The following STK4 variants were observed in gnomAD, a reference collection of about 807,000 sequenced individuals.
STK4 encodes serine/threonine kinase 4.
Under a neutral mutation model 64.9 loss-of-function variants are expected in STK4, and 30 were observed. That is an observed-to-expected ratio of 0.46 (90% confidence interval 0.35 to 0.63). The LOEUF (loss-of-function observed/expected upper bound fraction) is 0.63, where lower values mean the gene tolerates loss of function less well. Ranked by LOEUF, STK4 falls within the 20% of genes least tolerant of loss-of-function variation. The pLI, the probability that STK4 is intolerant of heterozygous loss-of-function variation, is 0.01. For missense variants in STK4, 466 were observed against 598.5 expected, an observed-to-expected ratio of 0.78 and a Z score of 2.31; for synonymous variants, 177 against 199.0, an observed-to-expected ratio of 0.89 and a Z score of 0.93.
At chr20:45,002,358 T>C (rs1345771765) in intron 9 of STK4, among the ~76,000 whole-genome samples, 1 of 152,230 alleles carries the variant, frequency 6.6e-6, no homozygotes, top group East Asian at 1.9e-4. Flanking sequence ...AGTTGTTTAT[T>C]CTTTTCAGTT....
intron 5 of STK4, among the ~76,000 whole-genome samples, chr20:44,989,300 T>A (rs975047860): frequency 6.6e-6 from 1 of 152,214 alleles, no homozygotes; most frequent in African/African-American, 2.4e-5. Context: ...ATTATAACCA[T>A]CCTAGTGAGT....
chr20:45,002,805 G>T (rs1241800829), intron 9 of STK4, among the ~76,000 whole-genome samples: 1 of 152,048 alleles, frequency 6.6e-6, no homozygotes, highest in East Asian at 1.9e-4. Flanking sequence ...GAAAAGCAGT[G>T]AGAGGAGTAA....
intron 10 of STK4, among the ~76,000 whole-genome samples, chr20:45,044,489 TA>T (rs527994307): frequency 1.9e-3 from 287 of 151,908 alleles, no homozygotes; most frequent in African/African-American, 6.5e-3. Context: ...CTACAAAAAA[TA>T]AAAGCACATT....
rs141061500 is a variant in STK4, at chr20:44,998,599, A to G, written c.831+1293A>G. On this transcript the variant is annotated intron_variant, in intron 7 of 10. Transcript: ENST00000372806. ...CATATAATAAAACCTTTTTATGCCC[A>G]TAATTTAAAAAGAATCAATATTGTC... Among the ~76,000 whole-genome samples, 547 of 152,332 alleles carry G rather than the reference A, an allele frequency of 3.6e-3. 1 individual carries two copies. The highest frequency in any genetic ancestry group is 0.013 in the South Asian group (64 of 4,830).
At chr20:45,026,922 C>T (rs375976276) in intron 10 of STK4, among the ~76,000 whole-genome samples, 4 of 152,232 alleles carry the variant, frequency 2.6e-5, no homozygotes, top group Admixed American at 6.5e-5. Flanking sequence ...AGTAGACTTA[C>T]GAAATTTGAA....
chr20:44,979,359 C>T (rs1219509827), intron 3 of STK4, among the ~76,000 whole-genome samples: 1 of 152,050 alleles, frequency 6.6e-6, no homozygotes, highest in African/African-American at 2.4e-5. Context: ...ATTATTCTAG[C>T]TGAGAGTACC....
chr20:45,005,048 G>C (rs568678038), intron 9 of STK4, among the ~76,000 whole-genome samples: 2 of 152,002 alleles, frequency 1.3e-5, no homozygotes, highest in African/African-American at 4.8e-5. Flanking sequence ...TGGGATTACA[G>C]GCATGAGCCA....
At position 45,070,630 on chromosome 20, in the gene STK4, A is replaced by C. The variant is rs183548812; in HGVS notation, c.1306-4388A>C. ...TATTAGCGTGGTGGCTCACACCTGT[A>C]ATCCCAGCACTTTGGGAGGCCAAGG... On this transcript the variant is annotated intron_variant, in intron 10 of 10. Coordinates refer to ENST00000372806, the MANE Select transcript of STK4 (RefSeq NM_006282.5). Among the ~76,000 whole-genome samples, 643 of 152,280 alleles carry C rather than the reference A, an allele frequency of 4.2e-3. 2 individuals are homozygous for C. Among genetic ancestry groups the C allele is most frequent in the African/African-American group, 0.015 (624 of 41,552 alleles).
intron 10 of STK4, among the ~76,000 whole-genome samples, chr20:45,073,021 G>A (rs77568168): frequency 0.025 from 3,790 of 152,242 alleles, 139 homozygotes; most frequent in African/African-American, 0.082. Context: ...GGAGGAAACC[G>A]AGGCTCAAGA....
At chr20:44,971,858 A>G (rs1426190481) in intron 1 of STK4, among the ~76,000 whole-genome samples, 1 of 151,766 alleles carries the variant, frequency 6.6e-6, no homozygotes, top group African/African-American at 2.4e-5. Context: ...TTTTTAGTGG[A>G]GACGGGGTTT....
At chr20:45,002,484 C>T (rs549973962) in intron 9 of STK4, among the ~76,000 whole-genome samples, 10 of 152,122 alleles carry the variant, frequency 6.6e-5, no homozygotes, top group Non-Finnish European at 1.3e-4. Flanking sequence ...GTCTGAGTAA[C>T]ATTAAATACA....
chr20:45,048,887 A>G (rs181596533), intron 10 of STK4, among the ~76,000 whole-genome samples: 1 of 152,312 alleles, frequency 6.6e-6, no homozygotes, highest in East Asian at 1.9e-4. Flanking sequence ...GGGTTTAAAT[A>G]TCAAGGATAC....
chr20:44,966,607 A>AG lies in STK4; in HGVS notation c.35+8dup, dbSNP rs974137968. ...AGCTGAGGAACCCGCCGCGCCGGTG[A>AG]GGGGCCACTGGCTAAGAGGACGGGC... On this transcript the variant is annotated splice_donor_region_variant and intron_variant, in intron 1 of 10. Transcript: ENST00000372806. The AG allele has an allele frequency of 7.8e-7, 1 of 1,274,006 alleles. No individual in the cohort carries two copies. The highest frequency in any genetic ancestry group is 1.5e-5 in the African/African-American group (1 of 64,718). The allele number at this position is 1,274,006 out of a possible 1,614,324, so 78.9% of individuals were successfully genotyped here.
At chr20:45,036,338 C>T (rs370422311) in intron 10 of STK4, among the ~76,000 whole-genome samples, 14 of 152,190 alleles carry the variant, frequency 9.2e-5, no homozygotes, top group Middle Eastern at 3.4e-3. Context: ...TGTGCCATGG[C>T]GCATCATCCC....
intron 4 of STK4, among the ~76,000 whole-genome samples, chr20:44,984,167 G>T (rs1425706888): frequency 7.9e-6 from 1 of 126,186 alleles, no homozygotes; most frequent in Non-Finnish European, 1.7e-5. Flanking sequence ...CTAAGTGCTG[G>T]TTTTTTGTTG....
intron 7 of STK4, among the ~76,000 whole-genome samples, chr20:44,998,860 C>T (rs905359697): frequency 2.6e-5 from 4 of 152,020 alleles, no homozygotes; most frequent in Non-Finnish European, 4.4e-5. Context: ...CACTTGAGGT[C>T]GGGAGTTTGA....
intron 5 of STK4, among the ~76,000 whole-genome samples, chr20:44,988,657 A>G: frequency 6.6e-6 from 1 of 150,686 alleles, no homozygotes; most frequent in East Asian, 1.9e-4. Flanking sequence ...CTGCCTTGGC[A>G]GAATTTTTCT....
chr20:44,983,769 A>T (rs1475972702), intron 4 of STK4, among the ~76,000 whole-genome samples: 4 of 152,174 alleles, frequency 2.6e-5, no homozygotes, highest in African/African-American at 9.7e-5. Flanking sequence ...AAGTTGGGAA[A>T]ATTAATTTAA....
chr20:45,008,748 T>A (rs901578007), intron 9 of STK4, among the ~76,000 whole-genome samples: 1 of 152,222 alleles, frequency 6.6e-6, no homozygotes, highest in East Asian at 1.9e-4. Flanking sequence ...GTATGAGATA[T>A]CTCATTGTGG....
Sources: allele counts gnomAD v4.1 joint callset (sites outside exome capture counted in the v4.1 genomes callset), GRCh38; gene constraint gnomAD v4.1.1; transcripts MANE v1.5; gene names NCBI Gene and HGNC (gene_info 2026-07-23, HGNC 2026-07-21).